GABRB2: variants seen among roughly 807,000 people sequenced by gnomAD.
GABRB2 encodes gamma-aminobutyric acid receptor subunit beta-2.
In GABRB2, 16 loss-of-function variants were observed where a neutral mutation model predicts 54.7. That is an observed-to-expected ratio of 0.29 (90% CI 0.20 to 0.44). The LOEUF is 0.44. Among genes scored for constraint, GABRB2 ranks in the 20% least tolerant of loss-of-function variants. The pLI is 1.00. For missense variants in GABRB2, 355 were observed against 644.0 expected, an observed-to-expected ratio of 0.55 and a Z score of 4.86; for synonymous variants, 244 against 233.8, an observed-to-expected ratio of 1.04 and a Z score of -0.40.
chr5:161,511,959 A>C (rs1345602613), intron 3 of GABRB2, among the ~76,000 whole-genome samples: 1 of 152,036 alleles, frequency 6.6e-6, no homozygotes, highest in East Asian at 1.9e-4. Context: ...TATGAATTTG[A>C]GTCACACAAT....
chr5:161,296,133 G>A (rs923940294), intron 9 of GABRB2, among the ~76,000 whole-genome samples: 2 of 152,172 alleles, frequency 1.3e-5, no homozygotes, highest in Non-Finnish European at 2.9e-5. Context: ...TTACTAAATG[G>A]TGGAGCTGGA....
intron 4 of GABRB2, among the ~76,000 whole-genome samples, chr5:161,451,959 T>G (rs1429006632): frequency 6.6e-6 from 1 of 152,192 alleles, no homozygotes; most frequent in Non-Finnish European, 1.5e-5. Flanking sequence ...GATTATTTCA[T>G]GATTCAACGA....
chr5:161,314,719 C>G (rs1282294822), intron 9 of GABRB2, among the ~76,000 whole-genome samples: 1 of 151,848 alleles, frequency 6.6e-6, no homozygotes, highest in African/African-American at 2.4e-5. Context: ...TCCTTCCTCC[C>G]TTTGTTCTTT....
At chr5:161,409,673 A>T (rs1358055145) in intron 5 of GABRB2, among the ~76,000 whole-genome samples, 1 of 152,172 alleles carries the variant, frequency 6.6e-6, no homozygotes, top group Non-Finnish European at 1.5e-5. Flanking sequence ...GGTACATAGC[A>T]ACGTGCTTAT....
chr5:161,312,028 G>GTGTT (rs1561603366), intron 9 of GABRB2, among the ~76,000 whole-genome samples: 1 of 151,960 alleles, frequency 6.6e-6, no homozygotes, highest in East Asian at 1.9e-4. Flanking sequence ...TTGTGTGTGT[G>GTGTT]TGTGTGTGTG....
intron 5 of GABRB2, among the ~76,000 whole-genome samples, chr5:161,357,682 A>C (rs1754677125): frequency 6.6e-6 from 1 of 152,118 alleles, no homozygotes; most frequent in South Asian, 2.1e-4. Context: ...AGCTTAGAGC[A>C]AGGTGGAAAC....
At chr5:161,459,133 C>T (rs1758049514) in intron 4 of GABRB2, 1 of 163,854 alleles carries the variant, frequency 6.1e-6, no homozygotes, top group Non-Finnish European at 1.3e-5. Context: ...TATACATTTC[C>T]CATTAATAAA....
upstream of GABRB2, chr5:161,546,741 G>C: frequency 6.5e-7 from 1 of 1,530,912 alleles, no homozygotes; most frequent in South Asian, 1.2e-5. Flanking sequence ...GCATGCGCAC[G>C]GCGTACCAAA....
intron 3 of GABRB2, among the ~76,000 whole-genome samples, chr5:161,468,950 T>C (rs1192388791): frequency 1.3e-5 from 2 of 151,972 alleles, no homozygotes; most frequent in Non-Finnish European, 2.9e-5. Context: ...TAAAAATATT[T>C]ATGACATGAA....
chr5:161,409,573 T>G (rs2113109508), intron 5 of GABRB2, among the ~76,000 whole-genome samples: 1 of 152,162 alleles, frequency 6.6e-6, no homozygotes, highest in South Asian at 2.1e-4. Flanking sequence ...CAGAATAATT[T>G]TCCCACAAAA....
chr5:161,353,590 T>C (rs1754533318), intron 5 of GABRB2, among the ~76,000 whole-genome samples: 1 of 152,006 alleles, frequency 6.6e-6, no homozygotes, highest in South Asian at 2.1e-4. Context: ...GAATTGTAGC[T>C]CTAGTACTTA....
intron 9 of GABRB2, among the ~76,000 whole-genome samples, chr5:161,302,229 T>G (rs959343946): frequency 1.3e-5 from 2 of 152,238 alleles, no homozygotes; most frequent in African/African-American, 4.8e-5. Flanking sequence ...AGAAGTTTCC[T>G]TTCCCCTCTT....
chr5:161,486,120 T>C (rs1005905394), intron 3 of GABRB2, among the ~76,000 whole-genome samples: 1 of 151,944 alleles, frequency 6.6e-6, no homozygotes, highest in African/African-American at 2.4e-5. Flanking sequence ...AAGTAAACTG[T>C]AATACATTGA....
intron 5 of GABRB2, among the ~76,000 whole-genome samples, chr5:161,375,986 C>T (rs1755282760): frequency 6.6e-6 from 1 of 152,114 alleles, no homozygotes; most frequent in East Asian, 1.9e-4. Context: ...AATCCATAGT[C>T]AAGATGAAAC....
intron 3 of GABRB2, among the ~76,000 whole-genome samples, chr5:161,544,178 G>A (rs1489260026): frequency 6.6e-6 from 1 of 152,140 alleles, no homozygotes; most frequent in Admixed American, 6.5e-5. Context: ...TTGCATAAAA[G>A]TTTATATACT....
rs558651125 is a variant in GABRB2 at position 161,466,495 on chromosome 5, T to A, written c.238-6651A>T. ...ATCAACATATTCATTCAATGACAAT[T>A]TTTAAGTACTAATAAGACAAACCAA... On this transcript the variant is annotated intron_variant, in intron 3 of 9. Transcript: ENST00000393959. Among the ~76,000 whole-genome samples, 678 of 152,208 alleles carry A rather than the reference T, an allele frequency of 4.5e-3. 4 individuals carry two copies. The highest frequency in any genetic ancestry group is 0.016 in the African/African-American group (653 of 41,544).
rs771501638 is a variant in GABRB2 at position 161,545,375 on chromosome 5, C to T, written c.170-81G>A. 864 of 1,030,754 alleles carry T rather than the reference C, an allele frequency of 8.4e-4. 1 individual carries two copies. The highest frequency in any genetic ancestry group is 1.8e-3 in the South Asian group (88 of 48,364). 63.9% of individuals were successfully genotyped at this position (1,030,754 alleles called of 1,614,324 possible). On this transcript the variant is annotated intron_variant, in intron 2 of 9. Transcript: ENST00000393959. ...AAGAGTTATCCCTGAGCATAAGACA[C>T]TCTGCCCAAAACCCTTCTGCACTAC...
chr5:161,433,225 TAAAC>T (rs1757218436), intron 4 of GABRB2, among the ~76,000 whole-genome samples: 1 of 152,136 alleles, frequency 6.6e-6, no homozygotes, highest in African/African-American at 2.4e-5. Flanking sequence ...TCCAAGGTGT[TAAAC>T]AAAATCACTT....
chr5:161,522,894 T>A (rs1390564035), intron 3 of GABRB2, among the ~76,000 whole-genome samples: 2 of 151,552 alleles, frequency 1.3e-5, no homozygotes, highest in African/African-American at 4.8e-5. Context: ...ACACAGGTCA[T>A]GAGTGTTTCG....
Sources: gnomAD v4.1 joint callset for allele counts (sites outside exome capture counted in the v4.1 genomes callset) on GRCh38, gnomAD v4.1.1 for gene constraint, MANE v1.5 for transcripts, NCBI Gene and HGNC (gene_info 2026-07-23, HGNC 2026-07-21) for gene names.